SLC24A3: variants seen among roughly 807,000 people sequenced by gnomAD.
SLC24A3 encodes sodium/potassium/calcium exchanger 3.
Under a neutral mutation model 75.8 loss-of-function variants are expected in SLC24A3, and 28 were observed. That is an observed-to-expected ratio of 0.37 (90% CI 0.27 to 0.51). SLC24A3 has a LOEUF of 0.51. Ranked by LOEUF, SLC24A3 falls within the 20% of genes least tolerant of loss-of-function variation. SLC24A3 has a pLI of 0.94. For missense variants in SLC24A3, 663 were observed against 847.8 expected (o/e 0.78, Z 2.71); for synonymous variants, 372 against 334.1 (o/e 1.11, Z -1.24).
At chr20:19,587,685 G>A (rs1237177452) in intron 6 of SLC24A3, among the ~76,000 whole-genome samples, 4 of 152,198 alleles carry the variant, frequency 2.6e-5, no homozygotes, top group Non-Finnish European at 5.9e-5. Flanking sequence ...ACGGGTCTGG[G>A]TTTAAATCCT....
chr20:19,523,832 C>G (rs1392893089), intron 3 of SLC24A3, among the ~76,000 whole-genome samples: 1 of 152,126 alleles, frequency 6.6e-6, no homozygotes, highest in Non-Finnish European at 1.5e-5. Flanking sequence ...TAGACGATAC[C>G]TTACTTGTCC....
At chr20:19,493,543 A>T (rs1393180355) in intron 2 of SLC24A3, among the ~76,000 whole-genome samples, 1 of 152,160 alleles carries the variant, frequency 6.6e-6, no homozygotes, top group East Asian at 1.9e-4. Context: ...TTTATTGACT[A>T]TTTTCTGCAT....
chr20:19,280,140 A>G (rs1198577372), intron 1 of SLC24A3, among the ~76,000 whole-genome samples: 2 of 152,106 alleles, frequency 1.3e-5, no homozygotes, highest in Non-Finnish European at 2.9e-5. Flanking sequence ...GCATGCCCCA[A>G]ACAGAATGCA....
At chr20:19,406,795 C>T (rs1986655204) in intron 2 of SLC24A3, among the ~76,000 whole-genome samples, 1 of 152,158 alleles carries the variant, frequency 6.6e-6, no homozygotes, top group Non-Finnish European at 1.5e-5. Context: ...CATGACCTTG[C>T]CATCCCAAAG....
At chr20:19,678,791 C>T (rs1182341706) in intron 9 of SLC24A3, among the ~76,000 whole-genome samples, 15 of 145,770 alleles carry the variant, frequency 1.0e-4, no homozygotes, top group African/African-American at 3.6e-4. Flanking sequence ...TCAGACGGGG[C>T]GGTTGCCGGG....
chr20:19,346,192 A>G lies in SLC24A3; in HGVS notation c.271+65105A>G, dbSNP rs1377942946. Among the ~76,000 whole-genome samples, 32 of 117,070 alleles carry G rather than the reference A, an allele frequency of 2.7e-4. 2 individuals carry two copies. Among genetic ancestry groups the G allele is most frequent in the Admixed American group, 4.8e-4 (5 of 10,314 alleles). The allele number at this position is 117,070 out of a possible 152,430, so 76.8% of individuals were successfully genotyped here. ...TATGGTATATATATATGGTGTATATATATATATGGTATATATATATGGTGT... is the reference window on the plus strand; with the variant it reads ...TATGGTATATATATATGGTGTATATGTATATATGGTATATATATATGGTGT... On this transcript the variant is annotated intron_variant, in intron 2 of 16. Coordinates refer to ENST00000328041, the MANE Select transcript of SLC24A3 (RefSeq NM_020689.4).
chr20:19,318,904 CT>C (rs925850176), intron 2 of SLC24A3, among the ~76,000 whole-genome samples: 5 of 151,970 alleles, frequency 3.3e-5, no homozygotes, highest in Middle Eastern at 3.4e-3. Context: ...CTAAATGATG[CT>C]TTTTTTTCTC....
At chr20:19,525,180 A>G (rs2030176458) in intron 3 of SLC24A3, among the ~76,000 whole-genome samples, 1 of 152,168 alleles carries the variant, frequency 6.6e-6, no homozygotes, top group African/African-American at 2.4e-5. Context: ...TTTCAAGCTT[A>G]AGAAGAATCT....
At chr20:19,619,428 T>G (rs1364501910) in intron 6 of SLC24A3, among the ~76,000 whole-genome samples, 1 of 152,190 alleles carries the variant, frequency 6.6e-6, no homozygotes, top group African/African-American at 2.4e-5. Context: ...ATATGTACTA[T>G]GCATATGATT....
intron 3 of SLC24A3, among the ~76,000 whole-genome samples, chr20:19,551,330 A>G (rs138105478): frequency 1.3e-5 from 2 of 152,188 alleles, no homozygotes; most frequent in African/African-American, 4.8e-5. Flanking sequence ...GATAAGGTCT[A>G]CTATGGTATG....
chr20:19,249,149 A>G (rs1002247810), intron 1 of SLC24A3, among the ~76,000 whole-genome samples: 2 of 152,134 alleles, frequency 1.3e-5, no homozygotes, highest in African/African-American at 2.4e-5. Context: ...AAATAGATCC[A>G]ATTTCAATTT....
rs373786184 is a variant in SLC24A3 at position 19,680,614 on chromosome 20, G to A, written c.768-1244G>A. ...GTCTTATGAACTACAAATGACACCC[G>A]TCACTTTGACTAGTTTTCTGTTCTC... On this transcript the variant is annotated intron_variant, in intron 9 of 16. Transcript: ENST00000328041. Among the ~76,000 whole-genome samples, 25 of 152,192 alleles carry A rather than the reference G, an allele frequency of 1.6e-4. 1 individual carries two copies. Among genetic ancestry groups the A allele is most frequent in the Non-Finnish European group, 2.1e-4 (14 of 68,036 alleles).
intron 3 of SLC24A3, among the ~76,000 whole-genome samples, chr20:19,530,409 A>G (rs1007335141): frequency 6.6e-6 from 1 of 152,148 alleles, no homozygotes; most frequent in Admixed American, 6.5e-5. Flanking sequence ...TCAGTGGTTA[A>G]AGGAGGGAGA....
At chr20:19,437,165 A>G (rs1987219445) in intron 2 of SLC24A3, among the ~76,000 whole-genome samples, 1 of 152,040 alleles carries the variant, frequency 6.6e-6, no homozygotes, top group Non-Finnish European at 1.5e-5. Flanking sequence ...AGAGTCGGTG[A>G]TATGGTTTGG....
At chr20:19,504,891 C>A (rs1201519069) in intron 2 of SLC24A3, among the ~76,000 whole-genome samples, 2 of 152,358 alleles carry the variant, frequency 1.3e-5, no homozygotes, top group Non-Finnish European at 2.9e-5. Context: ...TGCAAACAGA[C>A]CTCCTATCTG....
intron 1 of SLC24A3, among the ~76,000 whole-genome samples, chr20:19,216,893 A>G (rs1193792143): frequency 1.3e-5 from 2 of 152,188 alleles, no homozygotes; most frequent in Non-Finnish European, 2.9e-5. Flanking sequence ...CTGGTACCTC[A>G]GCTGGAAAGA....
intron 2 of SLC24A3, among the ~76,000 whole-genome samples, chr20:19,287,416 AAAG>A (rs1239497310): frequency 2.6e-5 from 4 of 152,368 alleles, no homozygotes; most frequent in Admixed American, 2.0e-4. Flanking sequence ...TGGAATGTAG[AAAG>A]AAGAAGAAAC....
At chr20:19,393,691 T>C (rs1348760417) in intron 2 of SLC24A3, among the ~76,000 whole-genome samples, 2 of 152,150 alleles carry the variant, frequency 1.3e-5, no homozygotes, top group African/African-American at 4.8e-5. Context: ...TACAAAATGT[T>C]GATGAAAGAA....
At chr20:19,318,844 G>A (rs1312345208) in intron 2 of SLC24A3, among the ~76,000 whole-genome samples, 2 of 152,150 alleles carry the variant, frequency 1.3e-5, no homozygotes, top group Admixed American at 6.5e-5. Context: ...GCCTGCCTGC[G>A]AGGGGAGATA....
Sources: allele counts gnomAD v4.1 joint callset (sites outside exome capture counted in the v4.1 genomes callset), GRCh38; gene constraint gnomAD v4.1.1; transcripts MANE v1.5; gene names NCBI Gene and HGNC (gene_info 2026-07-23, HGNC 2026-07-21).